DGKB: variants seen among roughly 807,000 people sequenced by gnomAD.
The protein encoded by DGKB is 90 kDa diacylglycerol kinase.
A neutral mutation model predicts 114.3 loss-of-function variants in DGKB; 67 were observed. The ratio of observed to expected loss-of-function variants is 0.59; its 90% CI spans 0.48 to 0.72. The LOEUF (loss-of-function observed/expected upper bound fraction) is 0.72, where lower values mean the gene tolerates loss of function less well. DGKB is among the 30% of genes least tolerant of loss of function. The probability of loss-of-function intolerance (pLI) is 0.00; values close to 1 mark genes in which losing one functional copy is unlikely to be tolerated. For synonymous variants in DGKB, 398 were observed against 323.1 expected (o/e 1.23, Z -2.49); for missense variants, 907 against 975.2 (o/e 0.93, Z 0.93).
chr7:14,303,812 G>A (rs1291381206), intron 23 of DGKB, among the ~76,000 whole-genome samples: 2 of 151,938 alleles, frequency 1.3e-5, no homozygotes, highest in East Asian at 3.9e-4. Flanking sequence ...TTCACCGAAG[G>A]TGGCCCAGCA....
At chr7:14,616,194 C>CAT (rs1806478500) in intron 15 of DGKB, among the ~76,000 whole-genome samples, 3 of 147,516 alleles carry the variant, frequency 2.0e-5, no homozygotes, top group Admixed American at 1.4e-4. Context: ...CTCGTATATA[C>CAT]ATATATATAC....
At chr7:14,733,731 TAAAGAAGAAAGAAATAAAG>T (rs1338736385) in intron 5 of DGKB, among the ~76,000 whole-genome samples, 47 of 137,318 alleles carry the variant, frequency 3.4e-4, no homozygotes, top group Non-Finnish European at 6.1e-4. Flanking sequence ...GAGAAAGAAA[TAAAGAAGAAAGAAATAAAG>T]AAGAAAGAAA....
At chr7:14,955,373 CCT>C (rs1219605902) in intron 1 of DGKB, among the ~76,000 whole-genome samples, 1 of 152,028 alleles carries the variant, frequency 6.6e-6, no homozygotes, top group Non-Finnish European at 1.5e-5. Flanking sequence ...TGTTGGGATT[CCT>C]CTCTTTTTTC....
At chr7:14,451,905 T>C (rs557003219) in intron 21 of DGKB, among the ~76,000 whole-genome samples, 1 of 148,986 alleles carries the variant, frequency 6.7e-6, no homozygotes, top group Non-Finnish European at 1.5e-5. Context: ...AAACTCACTC[T>C]TTTGCACAGT....
At position 14,620,372 on chromosome 7, in the gene DGKB, C is replaced by A. The variant is rs894260044; in HGVS notation, c.1284+1006G>T. 7.9e-5 allele frequency among the ~76,000 whole-genome samples: 12 copies of A among 151,012 alleles called. No individual in the cohort carries two copies. The Admixed American group carries it at 8.0e-4, about 10-fold the overall frequency. ...ATTATTATTAAATTTTAATGACATTCAAGATGATAAAGAAGCAAGCATTTA... is the reference window on the plus strand; with the variant it reads ...ATTATTATTAAATTTTAATGACATTAAAGATGATAAAGAAGCAAGCATTTA... On this transcript the variant is annotated intron_variant, in intron 15 of 25. Transcript: ENST00000402815.
chr7:14,747,779 G>GCGCGCGCA (rs1554636463), intron 4 of DGKB, among the ~76,000 whole-genome samples: 41 of 148,602 alleles, frequency 2.8e-4, no homozygotes, highest in African/African-American at 8.4e-4. Context: ...CCACGCGCAC[G>GCGCGCGCA]CACACACACA....
At chr7:14,716,631 T>C (rs1433736718) in intron 6 of DGKB, among the ~76,000 whole-genome samples, 2 of 152,194 alleles carry the variant, frequency 1.3e-5, no homozygotes, top group East Asian at 3.8e-4. Context: ...TAATACATGT[T>C]AGTAACTTTT....
At chr7:14,689,194 C>CTTTTTTTTT (rs1563917251) in intron 9 of DGKB, among the ~76,000 whole-genome samples, 1 of 92,326 alleles carries the variant, frequency 1.1e-5, no homozygotes, top group Non-Finnish European at 2.3e-5. Context: ...ACAGAAACTC[C>CTTTTTTTTT]TCTTATTTTT....
intron 1 of DGKB, among the ~76,000 whole-genome samples, chr7:14,888,088 C>G (rs185614282): frequency 6.6e-6 from 1 of 151,684 alleles, no homozygotes; most frequent in African/African-American, 2.4e-5. Flanking sequence ...AGAGTTGCAA[C>G]AAGGTGTAAA....
chr7:14,159,958 C>T (rs970535085), intron 25 of DGKB, among the ~76,000 whole-genome samples: 1 of 152,112 alleles, frequency 6.6e-6, no homozygotes, highest in Non-Finnish European at 1.5e-5. Context: ...CACGCAGGAG[C>T]CACTGTGCCT....
intron 13 of DGKB, among the ~76,000 whole-genome samples, chr7:14,662,073 G>C (rs1209858172): frequency 6.6e-6 from 1 of 152,096 alleles, no homozygotes; most frequent in Non-Finnish European, 1.5e-5. Context: ...GGTTAGGGGA[G>C]AGGGATATCA....
chr7:14,347,562 A>G (rs1054325411), intron 21 of DGKB, among the ~76,000 whole-genome samples: 1 of 152,014 alleles, frequency 6.6e-6, no homozygotes, highest in Admixed American at 6.6e-5. Context: ...GCAGAATCAA[A>G]AAAAGTCAAA....
intron 4 of DGKB, among the ~76,000 whole-genome samples, chr7:14,749,718 G>A (rs1412873541): frequency 6.6e-6 from 1 of 152,062 alleles, no homozygotes. Flanking sequence ...AGGAGTGAGT[G>A]TTACTGAAAC....
rs188867662 is a variant in DGKB, at chr7:14,658,070, A to G, written c.1134+14859T>C. Reference sequence around the variant, plus strand: ...TCACCATATTTACAATGCATAATTTAGTAGAATTCTTAAAATTGTGGAAGA... The same window carrying G: ...TCACCATATTTACAATGCATAATTTGGTAGAATTCTTAAAATTGTGGAAGA... On this transcript the variant is annotated intron_variant, in intron 13 of 25. Transcript: ENST00000402815. 6.9e-3 allele frequency among the ~76,000 whole-genome samples: 1,055 copies of G among 152,124 alleles called. 5 individuals are homozygous for G. The highest frequency in any genetic ancestry group is 0.01 in the Non-Finnish European group (698 of 67,948).
At chr7:14,583,482 ATAC>A (rs2128728554) in intron 17 of DGKB, among the ~76,000 whole-genome samples, 1 of 152,318 alleles carries the variant, frequency 6.6e-6, no homozygotes, top group East Asian at 1.9e-4. Context: ...AGAATGACAT[ATAC>A]TACATTATTT....
Position 14,661,498 on chromosome 7 carries a change from C to T in DGKB, c.1134+11431G>A, listed in dbSNP as rs1287913800. On this transcript the variant is annotated intron_variant, in intron 13 of 25. Coordinates refer to ENST00000402815, the MANE Select transcript of DGKB (RefSeq NM_001350709.2). ...ATCAGAGAAATGCTAATCAAAACCA[C>T]AATGAGATACCATCTCACACCAGTT... is the stretch of plus-strand genomic sequence containing the variant. 2.1e-4 allele frequency among the ~76,000 whole-genome samples: 30 copies of T among 146,266 alleles called. No homozygotes were observed. The South Asian group carries it at 2.2e-3, about 11-fold the overall frequency.
intron 5 of DGKB, among the ~76,000 whole-genome samples, chr7:14,729,262 A>G (rs141498152): frequency 0.023 from 3,482 of 148,246 alleles, 153 homozygotes; most frequent in African/African-American, 0.082. Context: ...AGCTGGGACT[A>G]CAGGCGCCTG....
At chr7:14,765,014 T>C (rs917225969) in intron 2 of DGKB, among the ~76,000 whole-genome samples, 6 of 152,014 alleles carry the variant, frequency 3.9e-5, no homozygotes, top group Non-Finnish European at 8.8e-5. Flanking sequence ...TCTACTTGTG[T>C]GAGAATTTTC....
At chr7:14,366,163 C>A (rs1025309824) in intron 21 of DGKB, among the ~76,000 whole-genome samples, 4 of 151,954 alleles carry the variant, frequency 2.6e-5, no homozygotes, top group Admixed American at 2.6e-4. Context: ...TATTTCTTAT[C>A]CAAAAAGTTA....
Sources: gnomAD v4.1 joint callset for allele counts (sites outside exome capture counted in the v4.1 genomes callset) on GRCh38, gnomAD v4.1.1 for gene constraint, MANE v1.5 for transcripts, NCBI Gene and HGNC (gene_info 2026-07-23, HGNC 2026-07-21) for gene names.